Variants in DDX10 observed in about 807,000 individuals in gnomAD.
DDX10 encodes DEAD-box helicase 10, also known as probable ATP-dependent RNA helicase DDX10.
DDX10 carries 74 observed loss-of-function variants against 104.3 expected under a neutral mutation model. The observed-to-expected ratio is 0.71, with a 90% CI of 0.59 to 0.86. DDX10 has a LOEUF of 0.86. DDX10 is among the 40% of genes least tolerant of loss of function. The probability of loss-of-function intolerance (pLI) is 0.00; values close to 1 mark genes in which losing one functional copy is unlikely to be tolerated. For missense variants in DDX10, 952 were observed against 1,040.0 expected (o/e 0.92, Z 1.16); for synonymous variants, 351 against 353.4 (o/e 0.99, Z 0.08).
intron 13 of DDX10, among the ~76,000 whole-genome samples, chr11:108,823,122 T>G (rs137910614): frequency 6.6e-6 from 1 of 152,342 alleles, no homozygotes; most frequent in African/African-American, 2.4e-5. Context: ...TCCAGTGTTT[T>G]TTTAAAATCA....
chr11:108,716,505 T>C (rs1262426431), intron 11 of DDX10, among the ~76,000 whole-genome samples: 1 of 152,196 alleles, frequency 6.6e-6, no homozygotes, highest in Non-Finnish European at 1.5e-5. Flanking sequence ...TCAAATGTGA[T>C]TTTTTGGATG....
At chr11:108,875,703 C>G (rs983453999) in intron 16 of DDX10, among the ~76,000 whole-genome samples, 3 of 152,120 alleles carry the variant, frequency 2.0e-5, no homozygotes, top group African/African-American at 7.2e-5. Context: ...AATATAATAA[C>G]TAAGGTCTGC....
chr11:108,882,362 T>C (rs1335072580), intron 16 of DDX10, among the ~76,000 whole-genome samples: 1 of 152,210 alleles, frequency 6.6e-6, no homozygotes, highest in Non-Finnish European at 1.5e-5. Flanking sequence ...ATTCATGTTA[T>C]AATCCTAGAC....
intron 10 of DDX10, among the ~76,000 whole-genome samples, chr11:108,708,790 A>G (rs1172210723): frequency 6.6e-6 from 1 of 151,752 alleles, no homozygotes; most frequent in Non-Finnish European, 1.5e-5. Context: ...CTGGTCTCGA[A>G]CTCCTGGCCT....
At chr11:108,820,734 G>A (rs1591827072) in intron 13 of DDX10, among the ~76,000 whole-genome samples, 1 of 152,198 alleles carries the variant, frequency 6.6e-6, no homozygotes. Flanking sequence ...TGGGAAAGAC[G>A]ATGGGAATGG....
intron 13 of DDX10, among the ~76,000 whole-genome samples, chr11:108,834,436 A>T (rs1482477927): frequency 1.3e-5 from 2 of 152,200 alleles, no homozygotes; most frequent in Non-Finnish European, 2.9e-5. Context: ...AAATTTATAT[A>T]CAATGAAATG....
chr11:108,905,481 A>G (rs907711357), intron 16 of DDX10, among the ~76,000 whole-genome samples: 2 of 152,148 alleles, frequency 1.3e-5, no homozygotes, highest in African/African-American at 4.8e-5. Flanking sequence ...ATACAGTACA[A>G]TTCACTGTTT....
chr11:108,797,270 G>C (rs1861956286), intron 13 of DDX10, among the ~76,000 whole-genome samples: 1 of 152,152 alleles, frequency 6.6e-6, no homozygotes, highest in African/African-American at 2.4e-5. Context: ...TTGACCTCAT[G>C]ATCCGTCTGC....
At chr11:108,796,033 A>G (rs1238103495) in intron 13 of DDX10, among the ~76,000 whole-genome samples, 1 of 152,194 alleles carries the variant, frequency 6.6e-6, no homozygotes, top group African/African-American at 2.4e-5. Flanking sequence ...AACAACATTC[A>G]GCAGTTTATA....
intron 15 of DDX10, among the ~76,000 whole-genome samples, chr11:108,848,255 G>T (rs575957708): frequency 5.5e-4 from 83 of 152,188 alleles, no homozygotes; most frequent in African/African-American, 1.8e-3. Context: ...ATATACTAGT[G>T]CCAGAATCCA....
At chr11:108,905,324 G>GGGT (rs1352191246) in intron 16 of DDX10, among the ~76,000 whole-genome samples, 1 of 129,280 alleles carries the variant, frequency 7.7e-6, no homozygotes, top group African/African-American at 2.9e-5. Flanking sequence ...GGGGGGGGGG[G>GGGT]TTGAAATCCT....
intron 16 of DDX10, among the ~76,000 whole-genome samples, chr11:108,865,373 G>T (rs1862996137): frequency 6.6e-6 from 1 of 152,078 alleles, no homozygotes; most frequent in African/African-American, 2.4e-5. Context: ...TTCAGGAGCC[G>T]ATGAACTATT....
intron 11 of DDX10, among the ~76,000 whole-genome samples, chr11:108,717,604 G>GC (rs1336986164): frequency 6.6e-6 from 1 of 152,112 alleles, no homozygotes; most frequent in African/African-American, 2.4e-5. Flanking sequence ...GAACCACCAC[G>GC]CCCAGCCAGA....
chr11:108,916,699 A>G (rs1863755241), intron 16 of DDX10, among the ~76,000 whole-genome samples: 1 of 152,150 alleles, frequency 6.6e-6, no homozygotes, highest in African/African-American at 2.4e-5. Flanking sequence ...TCCCACTTAT[A>G]ATTTTCTGTT....
At chr11:108,906,979 G>A (rs2134653921) in intron 16 of DDX10, among the ~76,000 whole-genome samples, 1 of 152,308 alleles carries the variant, frequency 6.6e-6, no homozygotes, top group Admixed American at 6.5e-5. Flanking sequence ...CCAATGCTCA[G>A]CACCCAGGAA....
intron 5 of DDX10, 111 bp from the exon 6 acceptor site, chr11:108,679,260 T>C: frequency 2.2e-6 from 2 of 921,772 alleles, no homozygotes; most frequent in Non-Finnish European, 3.2e-6. Context: ...TTTTACCAGT[T>C]TTTCCGCTAA....
intron 16 of DDX10, among the ~76,000 whole-genome samples, chr11:108,887,592 A>AC (rs1324691419): frequency 3.9e-5 from 6 of 151,992 alleles, no homozygotes; most frequent in East Asian, 3.9e-4. Flanking sequence ...TAAAAAAAAA[A>AC]AAACAAACCA....
intron 16 of DDX10, among the ~76,000 whole-genome samples, chr11:108,876,728 T>C (rs1202700173): frequency 6.6e-6 from 1 of 152,194 alleles, no homozygotes; most frequent in Admixed American, 6.5e-5. Flanking sequence ...TACACGGCAC[T>C]TACAGACTTG....
intron 13 of DDX10, among the ~76,000 whole-genome samples, chr11:108,774,038 T>C (rs923738350): frequency 6.6e-6 from 1 of 152,350 alleles, no homozygotes; most frequent in East Asian, 1.9e-4. Context: ...CAAAGTGCTC[T>C]TATGACAAAC....
Sources: allele counts gnomAD v4.1 joint callset (sites outside exome capture counted in the v4.1 genomes callset), GRCh38; gene constraint gnomAD v4.1.1; transcripts MANE v1.5; gene names NCBI Gene and HGNC (gene_info 2026-07-23, HGNC 2026-07-21).